Variants in CNTN3 observed in about 807,000 individuals in gnomAD.
CNTN3 encodes contactin-3.
In CNTN3, 60 loss-of-function variants were observed where a neutral mutation model predicts 119.1. The ratio of observed to expected loss-of-function variants is 0.50; its 90% CI spans 0.41 to 0.62. The LOEUF is 0.62. CNTN3 is among the 20% of genes least tolerant of loss of function. The probability of loss-of-function intolerance (pLI) is 0.00; values close to 1 mark genes in which losing one functional copy is unlikely to be tolerated. For synonymous variants in CNTN3, 450 were observed against 438.7 expected, an observed-to-expected ratio of 1.03 and a Z score of -0.32; for missense variants, 1,101 against 1,242.4, an observed-to-expected ratio of 0.89 and a Z score of 1.71.
chr3:74,451,521 A>C (rs1176228792), intron 4 of CNTN3, among the ~76,000 whole-genome samples: 1 of 151,932 alleles, frequency 6.6e-6, no homozygotes, highest in Non-Finnish European at 1.5e-5. Flanking sequence ...TAGTTTAATT[A>C]GATCCCATTT....
chr3:74,610,023 A>C (rs983748534), intron 1 of CNTN3, among the ~76,000 whole-genome samples: 13 of 152,084 alleles, frequency 8.5e-5, no homozygotes, highest in African/African-American at 2.9e-4. Context: ...GATGAGTAGC[A>C]GTCAAAAACT....
At chr3:74,319,825 AAAAC>A (rs1553644073) in intron 13 of CNTN3, among the ~76,000 whole-genome samples, 3 of 151,984 alleles carry the variant, frequency 2.0e-5, no homozygotes, top group East Asian at 1.9e-4. Flanking sequence ...TACAAAAAAA[AAAAC>A]AAACAACCCC....
chr3:74,457,070 A>G (rs1702283396), intron 4 of CNTN3, among the ~76,000 whole-genome samples: 1 of 152,070 alleles, frequency 6.6e-6, no homozygotes, highest in African/African-American at 2.4e-5. Context: ...CATATTTTAT[A>G]AAGTTCTATG....
rs1702379530 is a variant in CNTN3 at position 74,462,022 on chromosome 3, T to G, written c.358+24434A>C. Among the ~76,000 whole-genome samples, 4 of 152,160 alleles carry G rather than the reference T, an allele frequency of 2.6e-5. No individual in the cohort carries two copies. In the South Asian group the frequency reaches 8.3e-4, roughly 32 times the overall value. ...GAGTTGACTATATTATGAGGATCGA[T>G]CCCTCATGAATAGTTTAGCACCATC... On this transcript the variant is annotated intron_variant, in intron 4 of 22. Transcript: ENST00000263665.
At chr3:74,411,016 C>T (rs1701429737) in intron 5 of CNTN3, among the ~76,000 whole-genome samples, 1 of 151,852 alleles carries the variant, frequency 6.6e-6, no homozygotes, top group Non-Finnish European at 1.5e-5. Flanking sequence ...GGAGAGACTC[C>T]CCTCTCTATC....
chr3:74,498,333 T>A (rs1033628121), intron 3 of CNTN3, among the ~76,000 whole-genome samples: 2 of 151,892 alleles, frequency 1.3e-5, no homozygotes, highest in African/African-American at 4.8e-5. Context: ...AGATGTTGCA[T>A]ATGCTTATGT....
chr3:74,502,019 T>C (rs1703175135), intron 2 of CNTN3, among the ~76,000 whole-genome samples: 3 of 152,266 alleles, frequency 2.0e-5, no homozygotes, highest in African/African-American at 4.8e-5. Context: ...ATTTGTGATG[T>C]CTTTTTACAA....
At chr3:74,551,529 T>C (rs79649964) in intron 1 of CNTN3, among the ~76,000 whole-genome samples, 363 of 152,158 alleles carry the variant, frequency 2.4e-3, no homozygotes, top group East Asian at 0.018. Flanking sequence ...CTCGGTGTCC[T>C]ACATTCTATG....
intron 11 of CNTN3, 88 bp downstream of exon 11, chr3:74,361,802 T>C: frequency 7.5e-7 from 1 of 1,330,492 alleles, no homozygotes; most frequent in Non-Finnish European, 1.0e-6. Flanking sequence ...AATGCTATTT[T>C]GTTTCATTTC....
chr3:74,446,857 G>C (rs1202700193), intron 4 of CNTN3, among the ~76,000 whole-genome samples: 1 of 151,740 alleles, frequency 6.6e-6, no homozygotes, highest in Admixed American at 6.6e-5. Context: ...AAGTTTTTTT[G>C]AGTCAGACTG....
At chr3:74,585,132 T>A (rs1159963122) in intron 1 of CNTN3, among the ~76,000 whole-genome samples, 1 of 152,208 alleles carries the variant, frequency 6.6e-6, no homozygotes, top group East Asian at 1.9e-4. Context: ...TATCTACGTT[T>A]AATAAAATAC....
chr3:74,537,990 T>C (rs1396025895), intron 1 of CNTN3, among the ~76,000 whole-genome samples: 1 of 152,088 alleles, frequency 6.6e-6, no homozygotes, highest in East Asian at 1.9e-4. Context: ...GAATGACCCA[T>C]GGCCCATCCT....
chr3:74,518,286 T>C (rs1559643031), intron 2 of CNTN3, among the ~76,000 whole-genome samples: 1 of 151,956 alleles, frequency 6.6e-6, no homozygotes, highest in African/African-American at 2.4e-5. Flanking sequence ...CGTACTCTGA[T>C]AAACTGTCAA....
At position 74,369,959 on chromosome 3, in the gene CNTN3, C is replaced by T. The variant is rs9858476; in HGVS notation, c.691G>A (p.Val231Ile). ...GCTGGAAGAGTTTCTGGAAACTGAACTTCTATTTTAGGTTCATATTCACCC... is the reference window on the plus strand; with the variant it reads ...GCTGGAAGAGTTTCTGGAAACTGAATTTCTATTTTAGGTTCATATTCACCC... ...VMGEYEPKIEVQFPETLPAAK... is the reference protein window; with the variant it reads ...VMGEYEPKIEIQFPETLPAAK... Residue 231 changes from valine to isoleucine, a missense_variant, in exon 7 of 23, where the codon GTT becomes ATT. Physicochemically the swap from Val to Ile is conservative, Grantham distance 29. Transcript: ENST00000263665. 6.2e-7 allele frequency: 1 copy of T among 1,604,496 alleles called. No homozygotes were observed. Among genetic ancestry groups the T allele is most frequent in the African/African-American group, 1.3e-5 (1 of 74,556 alleles).
At chr3:74,437,822 G>T (rs1350617760) in intron 4 of CNTN3, among the ~76,000 whole-genome samples, 2 of 152,086 alleles carry the variant, frequency 1.3e-5, no homozygotes, top group East Asian at 3.9e-4. Flanking sequence ...CCTCCAGGTG[G>T]TATATCTGAG....
At chr3:74,311,684 T>C (rs1702688151) in intron 13 of CNTN3, among the ~76,000 whole-genome samples, 1 of 152,154 alleles carries the variant, frequency 6.6e-6, no homozygotes, top group African/African-American at 2.4e-5. Context: ...AATTAAAAAA[T>C]GGGCCAGCTA....
chr3:74,459,788 T>C (rs906321913), intron 4 of CNTN3, among the ~76,000 whole-genome samples: 2 of 152,048 alleles, frequency 1.3e-5, no homozygotes. Flanking sequence ...TATTCTCCCA[T>C]AACACCTTTA....
chr3:74,452,524 T>C (rs1285930728), intron 4 of CNTN3, among the ~76,000 whole-genome samples: 3 of 144,886 alleles, frequency 2.1e-5, no homozygotes, highest in South Asian at 2.2e-4. Flanking sequence ...TCCTGCCTAA[T>C]TGCCCTGGCC....
intron 11 of CNTN3, among the ~76,000 whole-genome samples, chr3:74,353,743 G>C (rs1008738308): frequency 3.3e-5 from 5 of 151,946 alleles, no homozygotes; most frequent in Admixed American, 2.6e-4. Flanking sequence ...GGGACAGAGC[G>C]AGACTCCGTC....
Sources: gnomAD v4.1 joint callset for allele counts (sites outside exome capture counted in the v4.1 genomes callset) on GRCh38, gnomAD v4.1.1 for gene constraint, MANE v1.5 for transcripts, NCBI Gene and HGNC (gene_info 2026-07-23, HGNC 2026-07-21) for gene names.